The following AUTS2 variants were observed in gnomAD, a reference collection of about 807,000 sequenced individuals.
The protein encoded by AUTS2 is activator of transcription and developmental regulator AUTS2, also known as autism susceptibility gene 2 protein.
In AUTS2, 17 loss-of-function variants were observed where a neutral mutation model predicts 112.4. The observed-to-expected ratio is 0.15, with a 90% CI of 0.10 to 0.23. The LOEUF (loss-of-function observed/expected upper bound fraction) is 0.23. Ranked by LOEUF, AUTS2 falls within the 10% of genes least tolerant of loss-of-function variation. The pLI, the probability that AUTS2 is intolerant of heterozygous loss-of-function variation, is 1.00. For missense variants in AUTS2, 1,510 were observed against 1,701.6 expected (o/e 0.89, Z 1.98); for synonymous variants, 751 against 702.7 (o/e 1.07, Z -1.09).
intron 1 of AUTS2, among the ~76,000 whole-genome samples, chr7:69,690,772 A>G (rs775696227): frequency 2.0e-5 from 3 of 152,214 alleles, no homozygotes; most frequent in East Asian, 1.9e-4. Context: ...GTCACCTGCA[A>G]TGTGGCTATT....
chr7:70,724,195 G>A (rs1232251393), intron 6 of AUTS2, among the ~76,000 whole-genome samples: 1 of 151,752 alleles, frequency 6.6e-6, no homozygotes, highest in Non-Finnish European at 1.5e-5. Context: ...TTTGGCTGAG[G>A]ACTTCTTTTA....
chr7:70,622,585 T>C (rs1557971), intron 5 of AUTS2, among the ~76,000 whole-genome samples: 65,845 of 152,040 alleles, frequency 0.43, 15,058 homozygotes, highest in Middle Eastern at 0.53. Flanking sequence ...TTGCCAAGAA[T>C]GTTCTTTAGC....
intron 1 of AUTS2, among the ~76,000 whole-genome samples, chr7:69,844,346 C>T (rs9886034): frequency 0.86 from 130,513 of 152,172 alleles, 56,074 homozygotes; most frequent in East Asian, 0.98. Flanking sequence ...TACTGATAAC[C>T]GAATGAAATA....
intron 4 of AUTS2, among the ~76,000 whole-genome samples, chr7:70,263,468 T>C (rs924512096): frequency 1.3e-5 from 2 of 152,224 alleles, no homozygotes; most frequent in Non-Finnish European, 2.9e-5. Flanking sequence ...ACTTAATCTT[T>C]TTCTGCTAGA....
chr7:70,776,167 C>T (rs1036510869), intron 13 of AUTS2, among the ~76,000 whole-genome samples: 4 of 152,174 alleles, frequency 2.6e-5, no homozygotes, highest in African/African-American at 7.2e-5. Context: ...TATATATTTT[C>T]GGAACTAACT....
intron 6 of AUTS2, among the ~76,000 whole-genome samples, chr7:70,749,720 TGAG>T (rs906489892): frequency 5.9e-5 from 9 of 152,126 alleles, no homozygotes; most frequent in African/African-American, 1.9e-4. Context: ...TGAACAGACT[TGAG>T]GAGAAGTTTT....
In AUTS2 at chr7:69,599,771, G is replaced by A. The variant is rs911513762; in HGVS notation, c.118G>A (p.Ala40Thr). 1.4e-5 allele frequency: 21 copies of A among 1,478,214 alleles called. No individual in the cohort carries two copies. Among genetic ancestry groups the A allele is most frequent in the Non-Finnish European group, 1.6e-5 (18 of 1,114,812 alleles). 91.6% of individuals were successfully genotyped at this position (1,478,214 alleles called of 1,614,324 possible). ...LGAGAAGGGG[A>T]GRTRALSLAS... ...GGCCGGCGCGGCCGGCGGCGGCGGG[G>A]CTGGCCGGACCCGGGCGCTCTCACT... The change falls in exon 1 of 19, where the codon GCT becomes ACT. Residue 40 changes from alanine (A) to threonine (T), a missense_variant. Around this residue, in one of 3 missense-constraint regions of AUTS2, gnomAD observed 535 missense variants for 594.3 expected, o/e 0.90. Transcript: ENST00000342771. This position sits in a 1 kb window ranked among gnomAD's most constrained non-coding sequence, Gnocchi z 7.0.
chr7:70,651,999 C>T (rs555992090), intron 5 of AUTS2, among the ~76,000 whole-genome samples: 25 of 152,238 alleles, frequency 1.6e-4, no homozygotes, highest in South Asian at 2.1e-4. Context: ...AAGACATCAC[C>T]GGATTATGAT....
intron 4 of AUTS2, among the ~76,000 whole-genome samples, chr7:70,271,207 A>T (rs936498647): frequency 3.3e-5 from 5 of 152,204 alleles, no homozygotes; most frequent in South Asian, 4.1e-4. Flanking sequence ...AATTTGCTTT[A>T]AAGAAAAATA....
At chr7:70,242,944 G>A (rs1812701038) in intron 4 of AUTS2, among the ~76,000 whole-genome samples, 1 of 152,160 alleles carries the variant, frequency 6.6e-6, no homozygotes, top group South Asian at 2.1e-4. Flanking sequence ...GGTCACAGCA[G>A]TAGTTGCAAA....
At chr7:69,619,583 G>A (rs1446369834) in intron 1 of AUTS2, among the ~76,000 whole-genome samples, 5 of 152,202 alleles carry the variant, frequency 3.3e-5, no homozygotes, top group Admixed American at 2.0e-4. Flanking sequence ...GGACACGTCC[G>A]TGACTGTACC....
At chr7:70,439,851 T>C (rs1796053030) in intron 5 of AUTS2, among the ~76,000 whole-genome samples, 1 of 152,192 alleles carries the variant, frequency 6.6e-6, no homozygotes, top group Admixed American at 6.5e-5. Context: ...ATGAAGTTAA[T>C]GTGGAGATTA....
chr7:69,988,494 C>T (rs1798604711), intron 2 of AUTS2, among the ~76,000 whole-genome samples: 1 of 152,240 alleles, frequency 6.6e-6, no homozygotes. Flanking sequence ...CATAATTATG[C>T]ATCACTTGTT....
At chr7:70,383,785 G>A (rs1217640498) in intron 4 of AUTS2, among the ~76,000 whole-genome samples, 1 of 152,238 alleles carries the variant, frequency 6.6e-6, no homozygotes, top group Admixed American at 6.5e-5. Context: ...GAAACAGACT[G>A]CAGCCTCTTA....
At chr7:70,695,928 G>A (rs531449712) in intron 5 of AUTS2, among the ~76,000 whole-genome samples, 4 of 152,314 alleles carry the variant, frequency 2.6e-5, no homozygotes, top group South Asian at 4.1e-4. Flanking sequence ...AAATCTTCAA[G>A]TCTGTAGCGG....
chr7:70,400,859 A>G (rs767418857), intron 4 of AUTS2, among the ~76,000 whole-genome samples: 6 of 152,064 alleles, frequency 3.9e-5, no homozygotes, highest in Non-Finnish European at 5.9e-5. Flanking sequence ...AGGCATCTGT[A>G]TTTTTAACAA....
chr7:69,957,762 A>G (rs1797274729), intron 2 of AUTS2, among the ~76,000 whole-genome samples: 1 of 152,148 alleles, frequency 6.6e-6, no homozygotes, highest in Non-Finnish European at 1.5e-5. Flanking sequence ...TACAAATTAG[A>G]TAACAACCCT....
At chr7:69,729,419 A>ACCC (rs796181771) in intron 1 of AUTS2, among the ~76,000 whole-genome samples, 31 of 60,448 alleles carry the variant, frequency 5.1e-4, no homozygotes, top group South Asian at 1.4e-3. Context: ...GTCCCCCAAC[A>ACCC]CCCCCCCCCC....
chr7:70,087,443 C>G (rs558730916), intron 2 of AUTS2, among the ~76,000 whole-genome samples: 3 of 150,598 alleles, frequency 2.0e-5, no homozygotes, highest in African/African-American at 4.9e-5. Context: ...GATCTCGGCT[C>G]ACTGCAACCT....
Sources: allele counts gnomAD v4.1 joint callset (sites outside exome capture counted in the v4.1 genomes callset), GRCh38; gene constraint gnomAD v4.1.1; regional missense constraint gnomAD v4.1.1; non-coding constraint Gnocchi (gnomAD v3.1); transcripts MANE v1.5; gene names NCBI Gene and HGNC (gene_info 2026-07-23, HGNC 2026-07-21).